Variants in KATNAL1 observed in about 807,000 individuals in gnomAD.
KATNAL1 encodes the protein katanin catalytic subunit A1 like 1, also known as katanin p60 ATPase-containing subunit A-like 1.
A neutral mutation model predicts 55.2 loss-of-function variants in KATNAL1; 32 were observed. The ratio of observed to expected loss-of-function variants is 0.58; its 90% CI spans 0.44 to 0.78. KATNAL1 has a LOEUF of 0.78. Ranked by LOEUF, KATNAL1 falls within the 30% of genes least tolerant of loss-of-function variation. KATNAL1 has a pLI of 0.00. For synonymous variants in KATNAL1, 193 were observed against 193.6 expected, an observed-to-expected ratio of 1.00 and a Z score of 0.02; for missense variants, 466 against 600.9, an observed-to-expected ratio of 0.78 and a Z score of 2.35.
intron 9 of KATNAL1, among the ~76,000 whole-genome samples, chr13:30,212,723 T>A (rs1269968981): frequency 1.3e-5 from 2 of 152,220 alleles, no homozygotes; most frequent in African/African-American, 4.8e-5. Context: ...GCACTGTTCA[T>A]AATAGCCTAA....
At chr13:30,230,847 A>T (rs1046959575) in intron 7 of KATNAL1, among the ~76,000 whole-genome samples, 2 of 152,204 alleles carry the variant, frequency 1.3e-5, no homozygotes, top group Non-Finnish European at 1.5e-5. Context: ...TTCTACTTTC[A>T]TATCTGGAAA....
At chr13:30,283,921 A>G in intron 1 of KATNAL1, 130 bp from the exon 2 acceptor site, 2 of 632,744 alleles carry the variant, frequency 3.2e-6, no homozygotes, top group Non-Finnish European at 5.2e-6. Flanking sequence ...TATTGCCCAG[A>G]TTGGAGTGCA....
intron 9 of KATNAL1, among the ~76,000 whole-genome samples, chr13:30,211,894 G>A (rs561122887): frequency 9.8e-5 from 15 of 152,292 alleles, no homozygotes; most frequent in Admixed American, 5.9e-4. Context: ...AGTACAGAAC[G>A]GGGTGCCCAG....
At chr13:30,297,934 G>A (rs918244181) in intron 1 of KATNAL1, among the ~76,000 whole-genome samples, 1 of 152,084 alleles carries the variant, frequency 6.6e-6, no homozygotes, top group African/African-American at 2.4e-5. Flanking sequence ...TCTGGGTGAC[G>A]GGATCATTCA....
At chr13:30,209,474 G>T (rs1873452701) in intron 10 of KATNAL1, among the ~76,000 whole-genome samples, 1 of 152,122 alleles carries the variant, frequency 6.6e-6, no homozygotes, top group South Asian at 2.1e-4. Flanking sequence ...GAAAAGGTGA[G>T]AAAAACAGAT....
intron 2 of KATNAL1, among the ~76,000 whole-genome samples, chr13:30,281,225 A>G (rs893165614): frequency 6.6e-6 from 1 of 151,270 alleles, no homozygotes; most frequent in Non-Finnish European, 1.5e-5. Flanking sequence ...AAAGCAGAGT[A>G]TAAGAAATTT....
chr13:30,244,469 T>C (rs553009964), intron 4 of KATNAL1, among the ~76,000 whole-genome samples: 29 of 152,290 alleles, frequency 1.9e-4, no homozygotes, highest in Middle Eastern at 3.4e-3. Flanking sequence ...TCAAAGGGTA[T>C]TTCTGGTTCT....
At chr13:30,214,071 C>T (rs1457748908) in intron 9 of KATNAL1, among the ~76,000 whole-genome samples, 1 of 152,190 alleles carries the variant, frequency 6.6e-6, no homozygotes, top group Non-Finnish European at 1.5e-5. Context: ...GCAACTTCAG[C>T]AAAGTCTCAG....
intron 4 of KATNAL1, among the ~76,000 whole-genome samples, chr13:30,242,980 G>A (rs1233938148): frequency 6.6e-6 from 1 of 152,098 alleles, no homozygotes; most frequent in Non-Finnish European, 1.5e-5. Flanking sequence ...TAGATTAAAT[G>A]CAATACCTAA....
At chr13:30,247,021 T>C (rs150789240) in intron 4 of KATNAL1, among the ~76,000 whole-genome samples, 53 of 152,318 alleles carry the variant, frequency 3.5e-4, no homozygotes, top group South Asian at 1.9e-3. Flanking sequence ...ACTCTCTTAT[T>C]AATCCTAAAA....
intron 9 of KATNAL1, among the ~76,000 whole-genome samples, chr13:30,226,104 G>A (rs924388019): frequency 1.3e-5 from 2 of 152,128 alleles, no homozygotes; most frequent in African/African-American, 4.8e-5. Flanking sequence ...TAGAATGACT[G>A]AAATTAAAAT....
intron 1 of KATNAL1, among the ~76,000 whole-genome samples, chr13:30,295,917 C>T (rs1882455121): frequency 1.3e-5 from 2 of 151,776 alleles, no homozygotes; most frequent in Admixed American, 1.3e-4. Context: ...TTAAGAATTG[C>T]CCTGGGCCAG....
At chr13:30,210,159 A>G (rs1873535354) in intron 10 of KATNAL1, among the ~76,000 whole-genome samples, 157 bp downstream of exon 10, 1 of 145,272 alleles carries the variant, frequency 6.9e-6, no homozygotes, top group Non-Finnish European at 1.5e-5. Context: ...AAATAAAGTT[A>G]TATGTAAAAA....
In KATNAL1 at chr13:30,259,557, C is replaced by T. The variant is rs558051245; in HGVS notation, c.324-3942G>A. 3.0e-3 allele frequency among the ~76,000 whole-genome samples: 459 copies of T among 152,298 alleles called. 1 individual carries two copies. The highest frequency in any genetic ancestry group is 0.011 in the African/African-American group (442 of 41,558). On this transcript the variant is annotated intron_variant, in intron 3 of 10. Transcript: ENST00000380615. ...AAGCAGGGCAAGGCATTGCCTCACT[C>T]GGGAAGAGCGAGGGGTCAGGGAGTT...
chr13:30,305,462 G>A (rs1451243810), intron 1 of KATNAL1, among the ~76,000 whole-genome samples: 1 of 152,182 alleles, frequency 6.6e-6, no homozygotes, highest in African/African-American at 2.4e-5. Flanking sequence ...TCCTTAGACA[G>A]AGTCAGGATC....
chr13:30,248,966 G>A (rs1217145693), intron 4 of KATNAL1, among the ~76,000 whole-genome samples: 2 of 152,194 alleles, frequency 1.3e-5, no homozygotes, highest in Non-Finnish European at 2.9e-5. Flanking sequence ...GGCTGAGGCA[G>A]GAGAATGGCG....
Position 30,222,725 on chromosome 13 carries a change from T to C in KATNAL1, c.1147+4687A>G, listed in dbSNP as rs550725988. On this transcript the variant is annotated intron_variant, in intron 9 of 10. Transcript: ENST00000380615. The stretch of plus-strand genomic sequence containing the variant: ...GGTACAGAGAAACAAACAGTACAAA[T>C]AGCAAGATGGCAGACTTAAACACAG... 1.4e-3 allele frequency among the ~76,000 whole-genome samples: 217 copies of C among 152,220 alleles called. 2 individuals are homozygous for C. The highest frequency in any genetic ancestry group is 6.6e-3 in the South Asian group (32 of 4,822).
chr13:30,268,542 TAAAC>T (rs1266850627), intron 3 of KATNAL1, among the ~76,000 whole-genome samples: 1 of 152,024 alleles, frequency 6.6e-6, no homozygotes, highest in Non-Finnish European at 1.5e-5. Context: ...AAGTTACCTA[TAAAC>T]AAACAACAAA....
intron 4 of KATNAL1, among the ~76,000 whole-genome samples, chr13:30,241,291 A>G (rs1566101509): frequency 6.6e-6 from 1 of 152,198 alleles, no homozygotes; most frequent in Non-Finnish European, 1.5e-5. Flanking sequence ...AAAACTTCAA[A>G]TCTACATTCT....
Sources: gnomAD v4.1 joint callset for allele counts (sites outside exome capture counted in the v4.1 genomes callset) on GRCh38, gnomAD v4.1.1 for gene constraint, MANE v1.5 for transcripts, NCBI Gene and HGNC (gene_info 2026-07-23, HGNC 2026-07-21) for gene names.